RNF121: variants seen among roughly 807,000 people sequenced by gnomAD.
RNF121 encodes the protein ring finger protein 121.
In RNF121, 21 loss-of-function variants were observed where a neutral mutation model predicts 46.5. That is an observed-to-expected ratio of 0.45 (90% CI 0.32 to 0.65). The LOEUF (loss-of-function observed/expected upper bound fraction) is 0.65. RNF121 is among the 30% of genes least tolerant of loss of function. The pLI is 0.04. For missense variants in RNF121, 346 were observed against 416.0 expected (o/e 0.83, Z 1.46); for synonymous variants, 139 against 144.7 (o/e 0.96, Z 0.28).
At position 71,929,261 on chromosome 11, in the gene RNF121, G is replaced by A; in HGVS notation, c.63+137G>A. 2.1e-6 allele frequency: 3 copies of A among 1,395,654 alleles called. No homozygotes were observed. In the South Asian group the frequency reaches 4.4e-5, roughly 21 times the overall value. 86.5% of individuals were successfully genotyped at this position (1,395,654 alleles called of 1,614,324 possible). ...GGAGCTGACTAGGGGGCGGGTGCGT[G>A]GAGAGCGAAGTCAGAGGCACTCCTG... On this transcript the variant is annotated intron_variant, in intron 1 of 8. Coordinates refer to ENST00000361756, the MANE Select transcript of RNF121 (RefSeq NM_018320.5).
chr11:71,988,738 C>T (rs1401755857), intron 5 of RNF121, among the ~76,000 whole-genome samples: 1 of 152,018 alleles, frequency 6.6e-6, no homozygotes, highest in Non-Finnish European at 1.5e-5. Context: ...GGGAGAATTG[C>T]TTGAGCCCAG....
chr11:71,959,006 C>T (rs1954062263), intron 2 of RNF121, among the ~76,000 whole-genome samples: 1 of 152,210 alleles, frequency 6.6e-6, no homozygotes, highest in South Asian at 2.1e-4. Context: ...GCTCTACCCT[C>T]TTAGCCTATT....
chr11:71,992,469 T>C lies in RNF121; in HGVS notation c.627+1752T>C, dbSNP rs183204516. Among the ~76,000 whole-genome samples, 226 of 152,298 alleles carry C rather than the reference T, an allele frequency of 1.5e-3. 7 individuals are homozygous for C. In the East Asian group the frequency reaches 0.035, roughly 23 times the overall value. On this transcript the variant is annotated intron_variant, in intron 6 of 8. Coordinates refer to ENST00000361756, the MANE Select transcript of RNF121 (RefSeq NM_018320.5). ...TTAAATAGAGGTTTAGTGATGTCTTTGTGACAGAAATATGACACAGGAACT... is the reference window on the plus strand; with the variant it reads ...TTAAATAGAGGTTTAGTGATGTCTTCGTGACAGAAATATGACACAGGAACT...
chr11:71,996,374 C>T lies in RNF121; in HGVS notation c.*59C>T. On this transcript the variant is annotated 3_prime_UTR_variant, in exon 9 of 9. Coordinates refer to ENST00000361756, the MANE Select transcript of RNF121 (RefSeq NM_018320.5). The stretch of plus-strand genomic sequence containing the variant: ...ACGCCATGGACCTCAGGGCACTCTC[C>T]TCCCTGCCCACAAAGACCTCCTGGG... The T allele has an allele frequency of 5.0e-6, 8 of 1,590,140 alleles. No individual in the cohort carries two copies. In the South Asian group the frequency reaches 6.8e-5, roughly 14 times the overall value.
chr11:71,934,922 C>A (rs1953368668), intron 1 of RNF121, among the ~76,000 whole-genome samples: 1 of 147,702 alleles, frequency 6.8e-6, no homozygotes, highest in Non-Finnish European at 1.5e-5. Flanking sequence ...AGTCCTGTGC[C>A]AAGTGTTCCA....
At chr11:71,936,063 G>C (rs375334855) in intron 1 of RNF121, among the ~76,000 whole-genome samples, 8 of 151,688 alleles carry the variant, frequency 5.3e-5, no homozygotes, top group Non-Finnish European at 1.0e-4. Flanking sequence ...TAGCCAGGAC[G>C]GTCTCCATCT....
chr11:71,973,220 T>C (rs1437042792), intron 3 of RNF121, among the ~76,000 whole-genome samples: 2 of 149,484 alleles, frequency 1.3e-5, no homozygotes, highest in South Asian at 2.1e-4. Context: ...AGGCTGGGCA[T>C]AGTGGCTCAT....
At chr11:71,995,308 A>C in intron 7 of RNF121, 142 bp from the exon 8 acceptor site, 2 of 678,472 alleles carry the variant, frequency 2.9e-6, no homozygotes, top group Non-Finnish European at 5.2e-6. Flanking sequence ...TTCACATGTG[A>C]GGAAACAGGT....
chr11:71,936,674 G>A (rs1428135945), intron 1 of RNF121, among the ~76,000 whole-genome samples: 8 of 152,166 alleles, frequency 5.3e-5, no homozygotes, highest in South Asian at 2.1e-4. Context: ...GATTACAGGC[G>A]TGAGCCACTG....
intron 3 of RNF121, among the ~76,000 whole-genome samples, chr11:71,975,841 A>T (rs1445701282): frequency 6.6e-6 from 1 of 152,228 alleles, no homozygotes; most frequent in Non-Finnish European, 1.5e-5. Context: ...TTGGACCCAG[A>T]GACAGAAGTG....
chr11:71,958,946 T>C (rs750281035), intron 2 of RNF121, among the ~76,000 whole-genome samples: 4 of 152,222 alleles, frequency 2.6e-5, no homozygotes, highest in Admixed American at 6.5e-5. Context: ...AAGAAACTTA[T>C]CTCTTGCTAT....
At chr11:71,945,293 T>C (rs570022620) in intron 1 of RNF121, among the ~76,000 whole-genome samples, 2 of 152,226 alleles carry the variant, frequency 1.3e-5, no homozygotes, top group African/African-American at 4.8e-5. Flanking sequence ...CTGGCCAAGA[T>C]TCACTTTTAT....
intron 6 of RNF121, 151 bp downstream of exon 6, chr11:71,990,868 T>A: frequency 1.1e-6 from 1 of 933,196 alleles, no homozygotes; most frequent in Non-Finnish European, 1.6e-6. Context: ...ATTCCTTCCT[T>A]AAAGTTTGGA....
intron 5 of RNF121, among the ~76,000 whole-genome samples, chr11:71,988,892 G>C (rs1954816852): frequency 6.6e-6 from 1 of 152,076 alleles, no homozygotes; most frequent in South Asian, 2.1e-4. Context: ...TTTCTTCTAG[G>C]GGTAGTACAG....
intron 1 of RNF121, among the ~76,000 whole-genome samples, chr11:71,935,846 C>CTTTTTTT (rs994241423): frequency 4.3e-3 from 494 of 114,626 alleles, no homozygotes; most frequent in Middle Eastern, 0.01. Flanking sequence ...TATTCTTTTT[C>CTTTTTTT]TTTTTTTTTT....
intron 2 of RNF121, among the ~76,000 whole-genome samples, chr11:71,959,952 T>A (rs889082759): frequency 8.5e-5 from 13 of 152,172 alleles, no homozygotes; most frequent in Non-Finnish European, 1.5e-4. Context: ...TCCTTTCTCA[T>A]TCCTCTCCTT....
Position 71,967,349 on chromosome 11 carries a change from G to GTTTTTTTTTTTTTTTTTTTTTTTTTTTT in RNF121, c.243+6476_243+6477insTTTTTTTTTTTTTTTTTTTTTTTTTTTT, listed in dbSNP as rs770121817. On this transcript the variant is annotated intron_variant, in intron 3 of 8. Coordinates refer to ENST00000361756, the MANE Select transcript of RNF121 (RefSeq NM_018320.5). ...GGTAATAATTATGTGGGTTTTTTTTGTTTTTTTTTTTTTTTTTTGAGACGG... is the reference window on the plus strand; with the variant it reads ...GGTAATAATTATGTGGGTTTTTTTTGTTTTTTTTTTTTTTTTTTTTTTTTTTTTTTTTTTTTTTTTTTTTTTGAGACGG... 2.0e-5 allele frequency among the ~76,000 whole-genome samples: 2 copies of GTTTTTTTTTTTTTTTTTTTTTTTTTTTT among 100,524 alleles called. 1 individual carries two copies. Among genetic ancestry groups the GTTTTTTTTTTTTTTTTTTTTTTTTTTTT allele is most frequent in the Non-Finnish European group, 3.5e-5 (2 of 56,444 alleles). The allele number at this position is 100,524 out of a possible 152,430, so 65.9% of individuals were successfully genotyped here. A position where few individuals can be genotyped will look rare whatever the true frequency, so the allele number is the denominator to read the frequency against.
intron 3 of RNF121, among the ~76,000 whole-genome samples, chr11:71,964,680 G>A (rs1166145931): frequency 6.6e-6 from 1 of 152,088 alleles, no homozygotes; most frequent in Non-Finnish European, 1.5e-5. Flanking sequence ...GGTTTTGCCA[G>A]GTTGCCTAGG....
In RNF121 at chr11:71,996,492, C is replaced by T; in HGVS notation, c.*177C>T. ...TATGATGGAGAGCCAGCCAGTGGGG[C>T]TGTCAGCAGTGGGGGGCTTTTTAAA... On this transcript the variant is annotated 3_prime_UTR_variant, in exon 9 of 9. Coordinates refer to ENST00000361756, the MANE Select transcript of RNF121 (RefSeq NM_018320.5). 1.6e-6 allele frequency: 1 copy of T among 638,710 alleles called. No individual in the cohort carries two copies. The highest frequency in any genetic ancestry group is 2.6e-6 in the Non-Finnish European group (1 of 384,364). 39.6% of individuals were successfully genotyped at this position (638,710 alleles called of 1,614,324 possible).
Sources: gnomAD v4.1 joint callset for allele counts (sites outside exome capture counted in the v4.1 genomes callset) on GRCh38, gnomAD v4.1.1 for gene constraint, MANE v1.5 for transcripts, NCBI Gene and HGNC (gene_info 2026-07-23, HGNC 2026-07-21) for gene names.